RBFOX1: variants seen among roughly 807,000 people sequenced by gnomAD.
RBFOX1 encodes the protein RNA binding protein fox-1 homolog 1.
RBFOX1 carries 8 observed loss-of-function variants against 57.7 expected under a neutral mutation model. The observed-to-expected ratio is 0.14, with a 90% CI of 0.08 to 0.25. The LOEUF (loss-of-function observed/expected upper bound fraction) is 0.25. Among genes scored for constraint, RBFOX1 ranks in the 10% least tolerant of loss-of-function variants. The pLI, the probability that RBFOX1 is intolerant of heterozygous loss-of-function variation, is 1.00. For synonymous variants in RBFOX1, 326 were observed against 222.4 expected, an observed-to-expected ratio of 1.47 and a Z score of -4.15; for missense variants, 611 against 548.5, an observed-to-expected ratio of 1.11 and a Z score of -1.14.
chr16:7,122,998 A>C (rs1266750544), intron 4 of RBFOX1, among the ~76,000 whole-genome samples: 1 of 152,016 alleles, frequency 6.6e-6, no homozygotes, highest in Admixed American at 6.6e-5. Flanking sequence ...CAAGAAAGAA[A>C]GCTGTAGGTT....
At chr16:6,913,178 G>A (rs2153436492) in intron 3 of RBFOX1, among the ~76,000 whole-genome samples, 1 of 152,042 alleles carries the variant, frequency 6.6e-6, no homozygotes, top group South Asian at 2.1e-4. Context: ...TTTTCCTGTG[G>A]GTTACTTGAA....
At chr16:6,923,331 C>G (rs1036552330) in intron 3 of RBFOX1, among the ~76,000 whole-genome samples, 1 of 152,036 alleles carries the variant, frequency 6.6e-6, no homozygotes, top group Non-Finnish European at 1.5e-5. Context: ...GTCAGGAGTT[C>G]AAGACCAGCC....
intron 4 of RBFOX1, chr16:7,332,986 T>A: frequency 6.2e-7 from 1 of 1,613,456 alleles, no homozygotes; most frequent in Non-Finnish European, 8.5e-7. Context: ...GAGGGAATAA[T>A]AACTCTACGT....
intron 1 of RBFOX1, among the ~76,000 whole-genome samples, chr16:6,210,347 A>AAAAAACAAC (rs2097286188): frequency 1.3e-5 from 1 of 78,784 alleles, no homozygotes; most frequent in South Asian, 4.0e-4. Flanking sequence ...CAAAAAAACA[A>AAAAAACAAC]AAAAAAAAAA....
chr16:5,866,218 C>G (rs1037871253), intron 3 of RBFOX1, among the ~76,000 whole-genome samples: 3 of 152,182 alleles, frequency 2.0e-5, no homozygotes, highest in African/African-American at 7.2e-5. Context: ...ATCCACCTAT[C>G]TCGGCCTCCC....
chr16:5,387,858 T>G (rs769234986), intron 1 of RBFOX1, among the ~76,000 whole-genome samples: 2 of 152,180 alleles, frequency 1.3e-5, no homozygotes, highest in African/African-American at 4.8e-5. Flanking sequence ...GCGGGATTGA[T>G]GTAATCATGA....
At chr16:6,907,603 T>C (rs1405381381) in intron 3 of RBFOX1, among the ~76,000 whole-genome samples, 1 of 152,132 alleles carries the variant, frequency 6.6e-6, no homozygotes, top group East Asian at 1.9e-4. Context: ...GGAGTCTCAC[T>C]CTGGTTGCCC....
At chr16:7,021,211 A>G (rs535888401) in intron 3 of RBFOX1, among the ~76,000 whole-genome samples, 1 of 152,038 alleles carries the variant, frequency 6.6e-6, no homozygotes, top group South Asian at 2.1e-4. Flanking sequence ...TTAGTTGCTG[A>G]GTAAATTGTT....
At chr16:7,486,899 C>T (rs1014707621) in intron 4 of RBFOX1, among the ~76,000 whole-genome samples, 3 of 152,108 alleles carry the variant, frequency 2.0e-5, no homozygotes, top group African/African-American at 4.8e-5. Context: ...CACTTCAAGG[C>T]ATTTGTTTTT....
At chr16:5,515,717 T>G (rs144211749) in intron 2 of RBFOX1, among the ~76,000 whole-genome samples, 31 of 152,268 alleles carry the variant, frequency 2.0e-4, no homozygotes, top group African/African-American at 7.2e-4. Context: ...ATATGGCAAG[T>G]TCTGCTGCAG....
intron 4 of RBFOX1, among the ~76,000 whole-genome samples, chr16:7,354,365 A>G (rs2097178501): frequency 6.6e-6 from 1 of 152,294 alleles, no homozygotes; most frequent in East Asian, 1.9e-4. Flanking sequence ...AATTCTTTCT[A>G]TTACCTGTGT....
chr16:6,662,849 C>T (rs1413405929), intron 3 of RBFOX1, among the ~76,000 whole-genome samples: 5 of 152,118 alleles, frequency 3.3e-5, no homozygotes, highest in African/African-American at 4.8e-5. Context: ...TTTACTTCAA[C>T]GAGCTATTTC....
At chr16:7,120,909 T>G (rs1329475095) in intron 4 of RBFOX1, among the ~76,000 whole-genome samples, 1 of 145,100 alleles carries the variant, frequency 6.9e-6, no homozygotes, top group Non-Finnish European at 1.5e-5. Flanking sequence ...AATAATAACA[T>G]AGCATGACCA....
chr16:5,248,374 A>C (rs2062356696), intron 1 of RBFOX1, among the ~76,000 whole-genome samples: 1 of 152,352 alleles, frequency 6.6e-6, no homozygotes, highest in Non-Finnish European at 1.5e-5. Context: ...AGGCAACTGC[A>C]CTGAGGTGAC....
At chr16:6,740,676 G>A (rs1185257321) in intron 3 of RBFOX1, among the ~76,000 whole-genome samples, 2 of 152,162 alleles carry the variant, frequency 1.3e-5, no homozygotes, top group Non-Finnish European at 2.9e-5. Flanking sequence ...GCATCTAACA[G>A]GACTTGTATG....
At chr16:6,450,766 T>TATATATATATATACATATAC (rs2094575787) in intron 2 of RBFOX1, among the ~76,000 whole-genome samples, 1 of 26,070 alleles carries the variant, frequency 3.8e-5, no homozygotes, top group Admixed American at 6.1e-4. Context: ...TATATATATG[T>TATATATATATATACATATAC]GTATATATAT....
At chr16:5,597,658 G>C (rs2047230781) in intron 2 of RBFOX1, among the ~76,000 whole-genome samples, 1 of 152,022 alleles carries the variant, frequency 6.6e-6, no homozygotes, top group South Asian at 2.1e-4. Flanking sequence ...CCTCGGCCTT[G>C]CTGACTTTTG....
intron 1 of RBFOX1, among the ~76,000 whole-genome samples, chr16:5,404,933 G>T (rs1187282407): frequency 6.6e-6 from 1 of 152,200 alleles, no homozygotes; most frequent in Non-Finnish European, 1.5e-5. Context: ...CTGGGTCTGA[G>T]GAACTTTTGG....
chr16:7,095,056 A>G (rs1252611593), intron 4 of RBFOX1, among the ~76,000 whole-genome samples: 1 of 152,098 alleles, frequency 6.6e-6, no homozygotes, highest in African/African-American at 2.4e-5. Flanking sequence ...AAATCTGTCT[A>G]TATTTTGTTG....
Sources: allele counts gnomAD v4.1 joint callset (sites outside exome capture counted in the v4.1 genomes callset), GRCh38; gene constraint gnomAD v4.1.1; transcripts MANE v1.5; gene names NCBI Gene and HGNC (gene_info 2026-07-23, HGNC 2026-07-21).